The following VRK2 variants were observed in gnomAD, a reference collection of about 807,000 sequenced individuals.
VRK2 encodes the protein VRK serine/threonine kinase 2.
A neutral mutation model predicts 57.6 loss-of-function variants in VRK2; 60 were observed. That is an observed-to-expected ratio of 1.04 (90% CI 0.85 to 1.29). VRK2 has a LOEUF of 1.29. Ranked by LOEUF, VRK2 falls within the 50% of genes most tolerant of loss-of-function variation. VRK2 has a pLI of 0.00. For synonymous variants in VRK2, 231 were observed against 199.2 expected, an observed-to-expected ratio of 1.16 and a Z score of -1.35; for missense variants, 705 against 588.1, an observed-to-expected ratio of 1.20 and a Z score of -2.06.
At chr2:58,128,617 C>G (rs780415115) in intron 8 of VRK2, among the ~76,000 whole-genome samples, 20 of 152,212 alleles carry the variant, frequency 1.3e-4, no homozygotes, top group Non-Finnish European at 4.4e-5. Flanking sequence ...CAGGTATGAG[C>G]CACCGCGCCT....
rs1448124491 is a variant in VRK2 at position 58,139,749 on chromosome 2, A to T, written c.940A>T (p.Asn314Tyr). ...PNYQALKKIL[N>Y]PHGIPLGPLD... ...CTATCAAGCCCTCAAGAAAATTTTG[A>T]ACCCTCATGGAATACCTTTAGGACC... Residue 314 changes from asparagine (N) to tyrosine (Y), a missense_variant, in exon 11 of 13, where the codon AAC (asparagine) becomes TAC (tyrosine). Coordinates refer to ENST00000340157, the MANE Select transcript of VRK2 (RefSeq NM_006296.7). 2 of 1,613,178 alleles carry T rather than the reference A, an allele frequency of 1.2e-6. No individual in the cohort carries two copies. The highest frequency in any genetic ancestry group is 2.7e-5 in the African/African-American group (2 of 74,884).
chr2:58,155,279 C>T (rs1323627431), intron 12 of VRK2, among the ~76,000 whole-genome samples: 1 of 152,184 alleles, frequency 6.6e-6, no homozygotes, highest in Non-Finnish European at 1.5e-5. Context: ...GCACAGCAGG[C>T]ACGGTCAAAA....
chr2:58,120,653 G>C (rs1447638584), intron 7 of VRK2, among the ~76,000 whole-genome samples: 1 of 152,120 alleles, frequency 6.6e-6, no homozygotes, highest in Non-Finnish European at 1.5e-5. Context: ...GTAGGCCCCT[G>C]ACGTCTCTTT....
chr2:58,159,915 C>G, downstream of VRK2: 10 of 1,541,566 alleles, frequency 6.5e-6, no homozygotes, highest in Non-Finnish European at 8.7e-6. Flanking sequence ...GAAAACACTT[C>G]TGAAGTTTCA....
At chr2:58,063,484 C>T (rs548232502) in intron 2 of VRK2, among the ~76,000 whole-genome samples, 1 of 152,098 alleles carries the variant, frequency 6.6e-6, no homozygotes, top group Admixed American at 6.6e-5. Context: ...AACAGATTTT[C>T]TCATGTACCC....
chr2:58,154,639 C>T, intron 12 of VRK2: 2 of 649,224 alleles, frequency 3.1e-6, no homozygotes, highest in Non-Finnish European at 5.6e-6. Context: ...TTTAATTTTC[C>T]TGGGGTCTCT....
Position 58,159,626 on chromosome 2 carries a change from T to G in VRK2, c.1460T>G (p.Val487Gly), listed in dbSNP as rs1553432643. The G allele has an allele frequency of 5.6e-6, 9 of 1,613,678 alleles. No homozygotes were observed. In the South Asian group the frequency reaches 9.9e-5, roughly 18 times the overall value. Residue 487 changes from valine (V) to glycine (G), a missense_variant, in exon 13 of 13, where the codon GTT becomes GGT. Val to Gly is a moderately radical substitution (Grantham distance 109, BLOSUM62 -3). Coordinates refer to ENST00000340157, the MANE Select transcript of VRK2 (RefSeq NM_006296.7). ...CTTAGTGAAGAGACAAACGCAGATG[T>G]TTATTATTATCGCATCATCATACCT... ...FTLSEETNAD[V>G]YYYRIIIPVL...
At chr2:58,064,489 T>A (rs183071717) in intron 2 of VRK2, among the ~76,000 whole-genome samples, 31 of 152,282 alleles carry the variant, frequency 2.0e-4, no homozygotes, top group African/African-American at 7.2e-4. Flanking sequence ...ATTTTTAAAT[T>A]AAGGCATGTA....
intron 7 of VRK2, among the ~76,000 whole-genome samples, chr2:58,113,329 AAGAC>A (rs1441455026): frequency 6.6e-6 from 1 of 151,864 alleles, no homozygotes; most frequent in Non-Finnish European, 1.5e-5. Context: ...AAAAAAAAAA[AAGAC>A]AGTTGCGTTT....
intron 8 of VRK2, among the ~76,000 whole-genome samples, chr2:58,124,403 A>T (rs1280150671): frequency 1.3e-5 from 2 of 152,208 alleles, no homozygotes; most frequent in Non-Finnish European, 2.9e-5. Context: ...CTAGTGAAAA[A>T]ATGGTGATTA....
At chr2:57,926,439 A>G (rs906199474) in intron 1 of VRK2, among the ~76,000 whole-genome samples, 22 of 145,700 alleles carry the variant, frequency 1.5e-4, no homozygotes, top group South Asian at 6.5e-4. Context: ...ACATATATAT[A>G]TGTGTGTGTG....
intron 1 of VRK2, among the ~76,000 whole-genome samples, chr2:57,925,249 C>A (rs1284418063): frequency 1.3e-5 from 2 of 152,036 alleles, no homozygotes; most frequent in East Asian, 3.8e-4. Context: ...TTCCCTCCTG[C>A]TCTATTTTTT....
At chr2:57,988,500 T>C (rs1272713165) in intron 1 of VRK2, among the ~76,000 whole-genome samples, 1 of 152,192 alleles carries the variant, frequency 6.6e-6, no homozygotes, top group Non-Finnish European at 1.5e-5. Flanking sequence ...TTTGAATCAG[T>C]AGACTAAGCA....
intron 7 of VRK2, among the ~76,000 whole-genome samples, chr2:58,118,493 G>C (rs569294013): frequency 2.6e-5 from 4 of 152,322 alleles, no homozygotes; most frequent in Admixed American, 2.6e-4. Context: ...ATTGAAAGGA[G>C]AAAGAGGTTG....
rs1671874134 is a variant in VRK2, at chr2:57,965,073, C to A, written c.-439+57234C>A. Among the ~76,000 whole-genome samples, 4 of 152,056 alleles carry A rather than the reference C, an allele frequency of 2.6e-5. No individual in the cohort carries two copies. In the South Asian group the frequency reaches 8.3e-4, roughly 31 times the overall value. On this transcript the variant is annotated intron_variant, in intron 1 of 15. Transcript: ENST00000417641. ...ATTTATATGTGATTGTAAACAGATGCACCTAACATTAAGTTGGTGCATAAT... is the reference window on the plus strand; with the variant it reads ...ATTTATATGTGATTGTAAACAGATGAACCTAACATTAAGTTGGTGCATAAT...
At chr2:58,154,997 A>G (rs1280174001) in intron 12 of VRK2, among the ~76,000 whole-genome samples, 3 of 152,060 alleles carry the variant, frequency 2.0e-5, no homozygotes, top group Non-Finnish European at 4.4e-5. Context: ...TAATTATATT[A>G]TGGTCTAACA....
chr2:57,998,801 G>A (rs1366581548), intron 1 of VRK2, among the ~76,000 whole-genome samples: 1 of 152,144 alleles, frequency 6.6e-6, no homozygotes, highest in Non-Finnish European at 1.5e-5. Context: ...CACAGATACT[G>A]TTGGCTGCAA....
chr2:57,928,742 C>T (rs543762148), intron 1 of VRK2, among the ~76,000 whole-genome samples: 4 of 152,316 alleles, frequency 2.6e-5, no homozygotes, highest in South Asian at 4.1e-4. Context: ...TGTTTTTAGT[C>T]TCTGCAGCCA....
chr2:57,929,122 C>T (rs751996254), intron 1 of VRK2, among the ~76,000 whole-genome samples: 8 of 152,232 alleles, frequency 5.3e-5, no homozygotes, highest in Non-Finnish European at 8.8e-5. Flanking sequence ...GCCAGCCAAG[C>T]TTGTCTCCTT....
Sources: gnomAD v4.1 joint callset for allele counts (sites outside exome capture counted in the v4.1 genomes callset) on GRCh38, gnomAD v4.1.1 for gene constraint, MANE v1.5 for transcripts, NCBI Gene and HGNC (gene_info 2026-07-23, HGNC 2026-07-21) for gene names.